Variants in ASB3 observed in about 807,000 individuals in gnomAD.
The protein encoded by ASB3 is ankyrin repeat and SOCS box protein 3.
ASB3 carries 41 observed loss-of-function variants against 54.5 expected under a neutral mutation model. The observed-to-expected ratio is 0.75, with a 90% CI of 0.59 to 0.98. ASB3 has a LOEUF of 0.98. ASB3 is among the 50% of genes least tolerant of loss of function. The pLI, the probability that ASB3 is intolerant of heterozygous loss-of-function variation, is 0.00. For synonymous variants in ASB3, 266 were observed against 221.2 expected, an observed-to-expected ratio of 1.20 and a Z score of -1.80; for missense variants, 733 against 620.0, an observed-to-expected ratio of 1.18 and a Z score of -1.94.
intron 5 of ASB3, among the ~76,000 whole-genome samples, chr2:53,722,359 C>G (rs1013383416): frequency 2.6e-5 from 4 of 152,050 alleles, no homozygotes; most frequent in Non-Finnish European, 5.9e-5. Flanking sequence ...AAAAATCTGG[C>G]AAAGACACAA....
intron 1 of ASB3, among the ~76,000 whole-genome samples, chr2:53,769,618 G>A (rs972319179): frequency 6.6e-6 from 1 of 152,200 alleles, no homozygotes; most frequent in Non-Finnish European, 1.5e-5. Context: ...AGGCCTAGGC[G>A]GGTGGATCAC....
At chr2:53,744,172 C>G (rs1273031532) in intron 3 of ASB3, among the ~76,000 whole-genome samples, 1 of 151,552 alleles carries the variant, frequency 6.6e-6, no homozygotes, top group Non-Finnish European at 1.5e-5. Flanking sequence ...GTCAGGAGAT[C>G]TAGACCATCC....
At chr2:53,774,163 TAC>T (rs768113426) in intron 1 of ASB3, 1 of 1,610,454 alleles carries the variant, frequency 6.2e-7, no homozygotes, top group Admixed American at 1.7e-5. Context: ...GGGTGTTGCT[TAC>T]AGATTGCCAG....
chr2:53,735,679 A>G (rs1211821039), intron 3 of ASB3, among the ~76,000 whole-genome samples: 1 of 152,138 alleles, frequency 6.6e-6, no homozygotes, highest in Non-Finnish European at 1.5e-5. Flanking sequence ...GGGAATGTAA[A>G]GGGCCAAATA....
chr2:53,728,337 C>T (rs1430889529), intron 5 of ASB3, among the ~76,000 whole-genome samples: 1 of 152,064 alleles, frequency 6.6e-6, no homozygotes, highest in Non-Finnish European at 1.5e-5. Context: ...TAACATACCC[C>T]TCAGAGCCTT....
intron 1 of ASB3, among the ~76,000 whole-genome samples, chr2:53,772,331 T>G (rs1231712372): frequency 6.6e-6 from 1 of 152,064 alleles, no homozygotes. Flanking sequence ...CCCGCCACCA[T>G]GTCTGGCTAA....
chr2:53,759,387 C>A (rs1445072881), intron 2 of ASB3, among the ~76,000 whole-genome samples: 3 of 152,214 alleles, frequency 2.0e-5, no homozygotes, highest in Non-Finnish European at 4.4e-5. Context: ...GCATACCTCT[C>A]TGTCGCATGA....
intron 9 of ASB3, among the ~76,000 whole-genome samples, chr2:53,691,452 T>A (rs1034475314): frequency 2.0e-5 from 3 of 152,130 alleles, no homozygotes; most frequent in African/African-American, 7.2e-5. Flanking sequence ...CAAAAAAAAA[T>A]TTTTAAATAT....
intron 7 of ASB3, among the ~76,000 whole-genome samples, chr2:53,701,391 A>C (rs1669487048): frequency 6.6e-6 from 1 of 152,242 alleles, no homozygotes; most frequent in Non-Finnish European, 1.5e-5. Flanking sequence ...ACTGAAGCTG[A>C]GTCACAGAGC....
At chr2:53,776,754 G>A (rs188365811) in intron 1 of ASB3, among the ~76,000 whole-genome samples, 15 of 152,300 alleles carry the variant, frequency 9.8e-5, no homozygotes, top group African/African-American at 3.6e-4. Context: ...AGGAGTTCGA[G>A]GCTGCAGTGA....
At chr2:53,725,089 T>C (rs77644600) in intron 5 of ASB3, among the ~76,000 whole-genome samples, 90 of 152,314 alleles carry the variant, frequency 5.9e-4, no homozygotes, top group African/African-American at 2.1e-3. Context: ...ATGTACACCA[T>C]GGAATACTAC....
chr2:53,750,712 AAT>A, intron 3 of ASB3, 69 bp downstream of exon 3: 1 of 1,398,460 alleles, frequency 7.2e-7, no homozygotes, highest in Non-Finnish European at 9.4e-7. Flanking sequence ...CTGAAGGAAA[AAT>A]TAAGCTTAGT....
chr2:53,701,375 G>C (rs1290952904), intron 7 of ASB3, among the ~76,000 whole-genome samples: 1 of 152,150 alleles, frequency 6.6e-6, no homozygotes, highest in Non-Finnish European at 1.5e-5. Flanking sequence ...CATTGTAGAT[G>C]CAAAAACTGA....
At chr2:53,727,553 T>A (rs1427030892) in intron 5 of ASB3, among the ~76,000 whole-genome samples, 1 of 152,164 alleles carries the variant, frequency 6.6e-6, no homozygotes, top group Admixed American at 6.5e-5. Flanking sequence ...GCAAAATCGC[T>A]GGAGGTCAGG....
chr2:53,707,405 G>A (rs527611599), intron 7 of ASB3, among the ~76,000 whole-genome samples: 4 of 152,238 alleles, frequency 2.6e-5, no homozygotes, highest in African/African-American at 4.8e-5. Flanking sequence ...ACTTTTGGGA[G>A]GCTGAGGCGG....
At chr2:53,734,432 C>G (rs1671500691) in intron 3 of ASB3, among the ~76,000 whole-genome samples, 1 of 152,202 alleles carries the variant, frequency 6.6e-6, no homozygotes, top group South Asian at 2.1e-4. Flanking sequence ...GACTACTCTT[C>G]TTGAGTCTAC....
intron 3 of ASB3, among the ~76,000 whole-genome samples, chr2:53,737,664 A>T (rs2103949689): frequency 6.8e-6 from 1 of 148,076 alleles, no homozygotes; most frequent in Non-Finnish European, 1.5e-5. Flanking sequence ...TGTGAGAGGA[A>T]GGGGAAGGAT....
intron 1 of ASB3, chr2:53,772,068 T>C: frequency 3.3e-6 from 2 of 608,262 alleles, no homozygotes; most frequent in Non-Finnish European, 5.6e-6. Context: ...TTCTTCTCTG[T>C]ATTTGTGGGT....
intron 2 of ASB3, among the ~76,000 whole-genome samples, chr2:53,764,403 C>T (rs1192766861): frequency 6.6e-6 from 1 of 152,188 alleles, no homozygotes; most frequent in African/African-American, 2.4e-5. Flanking sequence ...TAACCTTTTA[C>T]AAGTCAACTT....
Sources: allele counts gnomAD v4.1 joint callset (sites outside exome capture counted in the v4.1 genomes callset), GRCh38; gene constraint gnomAD v4.1.1; transcripts MANE v1.5; gene names NCBI Gene and HGNC (gene_info 2026-07-23, HGNC 2026-07-21).